SLC12A7: variants seen among roughly 807,000 people sequenced by gnomAD.
The protein encoded by SLC12A7 is K-Cl cotransporter 4.
Under a neutral mutation model 120.6 loss-of-function variants are expected in SLC12A7, and 100 were observed. The ratio of observed to expected loss-of-function variants is 0.83; its 90% CI spans 0.71 to 0.98. The LOEUF is 0.98. Ranked by LOEUF, SLC12A7 falls within the 50% of genes least tolerant of loss-of-function variation. The probability of loss-of-function intolerance (pLI) is 0.00; values close to 1 mark genes in which losing one functional copy is unlikely to be tolerated. For synonymous variants in SLC12A7, 760 were observed against 678.0 expected, an observed-to-expected ratio of 1.12 and a Z score of -1.88; for missense variants, 1,373 against 1,548.1, an observed-to-expected ratio of 0.89 and a Z score of 1.90.
In SLC12A7 at chr5:1,087,164, C is replaced by T. The variant is rs1299011955; in HGVS notation, c.545-131G>A. ...AAGGCAGCGTGTAGACCCTCGTCCA[C>T]CCGCAAAGCAGCACATGGAGACGCT... is the stretch of plus-strand genomic sequence containing the variant. On this transcript the variant is annotated intron_variant, in intron 5 of 23. Coordinates refer to ENST00000264930, the MANE Select transcript of SLC12A7 (RefSeq NM_006598.3). The T allele has an allele frequency of 6.5e-6, 8 of 1,232,796 alleles. No homozygotes were observed. The African/African-American group carries it at 1.2e-4, about 19-fold the overall frequency. 76.4% of individuals were successfully genotyped at this position (1,232,796 alleles called of 1,614,324 possible).
At chr5:1,097,484 G>A (rs773872609) in intron 1 of SLC12A7, among the ~76,000 whole-genome samples, 6 of 152,144 alleles carry the variant, frequency 3.9e-5, no homozygotes, top group East Asian at 1.9e-4. Context: ...GATTAATATC[G>A]AGAAATTCAT....
At chr5:1,100,659 A>AG (rs1355103374) in intron 1 of SLC12A7, among the ~76,000 whole-genome samples, 8 of 152,174 alleles carry the variant, frequency 5.3e-5, no homozygotes, top group African/African-American at 1.7e-4. Flanking sequence ...GCATGCAGGG[A>AG]GGGCGCCTGT....
chr5:1,130,479 T>G, the SLC12A7 span, among the ~76,000 whole-genome samples: 1 of 107,792 alleles, frequency 9.3e-6, no homozygotes, highest in East Asian at 2.4e-4. Flanking sequence ...AGAGGCCACC[T>G]GGGGCCTCCC....
Position 1,052,122 on chromosome 5 carries a change from G to A in SLC12A7, c.*238C>T, listed in dbSNP as rs1238274055. 2 of 573,978 alleles carry A rather than the reference G, an allele frequency of 3.5e-6. No homozygotes were observed. Among genetic ancestry groups the A allele is most frequent in the Admixed American group, 3.1e-5 (1 of 31,992 alleles). The allele number at this position is 573,978 out of a possible 1,614,324, so 35.6% of individuals were successfully genotyped here. A position where few individuals can be genotyped will look rare whatever the true frequency, so the allele number is the denominator to read the frequency against. ...CCAGGTCACTCCGGTAGCAGCGTCT[G>A]CCCTCAGATGCAAGGAAATCGTCCA... On this transcript the variant is annotated 3_prime_UTR_variant, in exon 24 of 24. Transcript: ENST00000264930.
At chr5:1,137,484 C>A in the SLC12A7 span, among the ~76,000 whole-genome samples, 1 of 152,198 alleles carries the variant, frequency 6.6e-6, no homozygotes, top group Non-Finnish European at 1.5e-5. Context: ...GCTAGAAGAC[C>A]ACCTTCAGCT....
At chr5:1,053,304 AG>A (rs1363775474) in intron 23 of SLC12A7, 44 bp downstream of exon 23, 1 of 1,594,694 alleles carries the variant, frequency 6.3e-7, no homozygotes, top group Non-Finnish European at 8.5e-7. Context: ...AGAAGCCACC[AG>A]GGGGTGCCCG....
chr5:1,078,133 C>G, intron 11 of SLC12A7, 126 bp from the exon 12 acceptor site: 1 of 1,168,560 alleles, frequency 8.6e-7, no homozygotes. Flanking sequence ...AGCTGAGGCC[C>G]GGCCTCCAGT....
upstream of SLC12A7, among the ~76,000 whole-genome samples, chr5:1,115,982 T>C (rs1373447786): frequency 1.3e-5 from 2 of 151,040 alleles, no homozygotes; most frequent in African/African-American, 2.5e-5. Context: ...GGGTGGGGTA[T>C]GTGGACATCA....
chr5:1,057,557 G>C lies in SLC12A7; in HGVS notation c.2940C>G (p.Thr980=), dbSNP rs1735751030. Residue 980 remains threonine, a synonymous_variant, in exon 22 of 24, where the codon ACC becomes ACG. Coordinates refer to ENST00000264930, the MANE Select transcript of SLC12A7 (RefSeq NM_006598.3). ...CAGCGATCAGCTTCTCCCTGGTCCA[G>C]GTCATCTGCACCTTGTCTGGCGTAG... is the stretch of plus-strand genomic sequence containing the variant. ...APPTPDKVQM[T]WTREKLIAEK... is the part of the protein sequence containing the mutation. The C allele has an allele frequency of 6.2e-7, 1 of 1,613,188 alleles. No homozygotes were observed. The highest frequency in any genetic ancestry group is 8.5e-7 in the Non-Finnish European group (1 of 1,179,980).
At chr5:1,133,617 G>A in the SLC12A7 span, among the ~76,000 whole-genome samples, 10 of 152,190 alleles carry the variant, frequency 6.6e-5, no homozygotes, top group African/African-American at 2.4e-4. Flanking sequence ...TGACGCTGAC[G>A]CTTGCTGGCC....
the SLC12A7 span, among the ~76,000 whole-genome samples, chr5:1,129,785 G>A: frequency 1.1e-3 from 171 of 152,294 alleles, no homozygotes; most frequent in African/African-American, 3.6e-3. Context: ...TGAGATTACC[G>A]TTCAGAAGCA....
chr5:1,078,515 G>T, intron 11 of SLC12A7, 186 bp downstream of exon 11: 1 of 638,564 alleles, frequency 1.6e-6, no homozygotes, highest in Non-Finnish European at 2.9e-6. Flanking sequence ...CGGTTCCCCA[G>T]GCCCTAGGCT....
At chr5:1,135,693 G>A in the SLC12A7 span, among the ~76,000 whole-genome samples, 1 of 152,238 alleles carries the variant, frequency 6.6e-6, no homozygotes, top group Non-Finnish European at 1.5e-5. Context: ...TGGTGACAGT[G>A]TGACGATATT....
intron 3 of SLC12A7, among the ~76,000 whole-genome samples, chr5:1,092,567 A>G (rs1255786040): frequency 1.3e-5 from 2 of 152,174 alleles, no homozygotes; most frequent in African/African-American, 4.8e-5. Context: ...GAATTTAAAA[A>G]TCACCCTAAA....
intron 22 of SLC12A7, chr5:1,057,236 C>G (rs1450032665): frequency 2.0e-6 from 1 of 501,874 alleles, no homozygotes; most frequent in Non-Finnish European, 3.5e-6. Context: ...GACTCCCGGC[C>G]TTGGCACTAG....
At chr5:1,093,988 G>A (rs117461249) in intron 2 of SLC12A7, among the ~76,000 whole-genome samples, 166 bp downstream of exon 2, 11 of 152,242 alleles carry the variant, frequency 7.2e-5, no homozygotes, top group Non-Finnish European at 1.3e-4. Context: ...GCTCAAGTGC[G>A]GGACTGGGCC....
the SLC12A7 span, among the ~76,000 whole-genome samples, chr5:1,148,205 C>CTTT: frequency 6.8e-4 from 73 of 107,600 alleles, 2 homozygotes; most frequent in African/African-American, 1.6e-3. Flanking sequence ...TTCTTTCTTT[C>CTTT]TTTTTTTTTT....
At chr5:1,108,541 C>T (rs1036258418) in intron 1 of SLC12A7, among the ~76,000 whole-genome samples, 2 of 152,146 alleles carry the variant, frequency 1.3e-5, no homozygotes, top group African/African-American at 2.4e-5. Flanking sequence ...ATGTCCGTGT[C>T]GGGAACGCCC....
chr5:1,109,607 C>T (rs1254460532), intron 1 of SLC12A7, among the ~76,000 whole-genome samples: 2 of 152,194 alleles, frequency 1.3e-5, no homozygotes, highest in Non-Finnish European at 2.9e-5. Context: ...GCTGGGCAGA[C>T]GCGGCCTTGC....
Sources: gnomAD v4.1 joint callset for allele counts (sites outside exome capture counted in the v4.1 genomes callset) on GRCh38, gnomAD v4.1.1 for gene constraint, MANE v1.5 for transcripts, NCBI Gene and HGNC (gene_info 2026-07-23, HGNC 2026-07-21) for gene names.